Variants in ZNF398 observed in about 807,000 individuals in gnomAD.
The protein encoded by ZNF398 is zinc finger DNA binding protein ZER6.
ZNF398 carries 18 observed loss-of-function variants against 41.9 expected under a neutral mutation model. The ratio of observed to expected loss-of-function variants is 0.43; its 90% confidence interval spans 0.30 to 0.64. The LOEUF is 0.64. Ranked by LOEUF, ZNF398 falls within the 30% of genes least tolerant of loss-of-function variation. The pLI, the probability that ZNF398 is intolerant of heterozygous loss-of-function variation, is 0.14. For missense variants in ZNF398, 669 were observed against 822.8 expected (o/e 0.81, Z 2.29); for synonymous variants, 260 against 308.8 (o/e 0.84, Z 1.66).
Position 149,167,901 on chromosome 7 carries a change from G to A in ZNF398, c.661+971G>A, listed in dbSNP as rs903902435. On this transcript the variant is annotated intron_variant, in intron 4 of 5. Coordinates refer to ENST00000475153, the MANE Select transcript of ZNF398 (RefSeq NM_170686.3). Reference sequence around the variant, plus strand: ...GCTGGGATTACAGGCCTGAGCCACCGCCACATTTATTTTTTTCTAACATTT... The same window carrying A: ...GCTGGGATTACAGGCCTGAGCCACCACCACATTTATTTTTTTCTAACATTT... Among the ~76,000 whole-genome samples the A allele has an allele frequency of 1.3e-4, 20 of 151,890 alleles. No individual in the cohort carries two copies. The South Asian group carries it at 1.5e-3, about 11-fold the overall frequency.
At chr7:149,176,379 C>G in intron 4 of ZNF398, 89 bp from the exon 5 acceptor site, 1 of 903,236 alleles carries the variant, frequency 1.1e-6, no homozygotes, top group Admixed American at 2.0e-5. Context: ...ATATTTGGGG[C>G]AAAATATAGT....
intron 1 of ZNF398, among the ~76,000 whole-genome samples, chr7:149,127,015 A>G (rs1826495070): frequency 6.6e-6 from 1 of 152,144 alleles, no homozygotes; most frequent in Admixed American, 6.5e-5. Flanking sequence ...TCGCCCAGGG[A>G]TGCGGGCCGG....
intron 4 of ZNF398, among the ~76,000 whole-genome samples, chr7:149,170,674 G>T (rs1238869633): frequency 6.6e-6 from 1 of 151,848 alleles, no homozygotes; most frequent in African/African-American, 2.4e-5. Flanking sequence ...TGCGGAGGTT[G>T]CAGTGAGCCG....
At chr7:149,155,167 A>C (rs1794940927) in intron 2 of ZNF398, among the ~76,000 whole-genome samples, 1 of 151,988 alleles carries the variant, frequency 6.6e-6, no homozygotes, top group Non-Finnish European at 1.5e-5. Flanking sequence ...CACACCTGTA[A>C]ACCCAGCACT....
chr7:149,134,983 G>A (rs540425952), intron 2 of ZNF398, among the ~76,000 whole-genome samples: 3 of 152,154 alleles, frequency 2.0e-5, no homozygotes, highest in East Asian at 1.9e-4. Context: ...TGCCCAGCTC[G>A]GCCTCCCAAA....
At position 149,178,969 on chromosome 7, in the gene ZNF398, C is replaced by T. The variant is rs905376938; in HGVS notation, c.1097C>T (p.Thr366Ile). 3 of 1,614,066 alleles carry T rather than the reference C, an allele frequency of 1.9e-6. No individual in the cohort carries two copies. Among genetic ancestry groups the T allele is most frequent in the African/African-American group, 1.3e-5 (1 of 74,906 alleles). The change falls in exon 6 of 6, where the codon ACT (threonine) becomes ATT (isoleucine). Residue 366 changes from threonine (T) to isoleucine (I), a missense_variant. Thr to Ile is a moderately conservative substitution (Grantham distance 89). Around this residue, in one of 3 missense-constraint regions of ZNF398, gnomAD observed 290 missense variants for 292.9 expected, o/e 0.99. Coordinates refer to ENST00000475153, the MANE Select transcript of ZNF398 (RefSeq NM_170686.3). The stretch of plus-strand genomic sequence containing the variant: ...CTGACCCACCAATGTAGCCATGCTA[C>T]TGAGCACCCCTTACCCTGTGCCCAG... ...MLLTHQCSHATEHPLPCAQCP... is the reference protein window; with the variant it reads ...MLLTHQCSHAIEHPLPCAQCP...
intron 2 of ZNF398, among the ~76,000 whole-genome samples, chr7:149,154,988 TAAAA>T (rs35980793): frequency 2.3e-5 from 3 of 132,054 alleles, no homozygotes; most frequent in Admixed American, 7.6e-5. Context: ...AAACTCCTTC[TAAAA>T]AAAAAAAAAA....
In ZNF398 at chr7:149,130,634, G is replaced by GTATTTT. The variant is rs1338271382; in HGVS notation, c.-490+1693_-490+1698dup. Among the ~76,000 whole-genome samples the GTATTTT allele has an allele frequency of 4.6e-5, 7 of 152,168 alleles. No individual in the cohort carries two copies. In the South Asian group the frequency reaches 1.5e-3, roughly 32 times the overall value. ...TCAGTTGGCCCACGTTCTTTATTTG[G>GTATTTT]TATTTTTAGCATTTAAAAAAACCGT... On this transcript the variant is annotated intron_variant, in intron 2 of 6. Transcript: ENST00000426851.
At chr7:149,134,042 T>C (rs6464943) in intron 2 of ZNF398, among the ~76,000 whole-genome samples, 122,875 of 148,240 alleles carry the variant, frequency 0.83, 51,195 homozygotes, top group East Asian at 1. Context: ...TGAGCCACCG[T>C]GCTTGGCCAT....
At chr7:149,139,558 T>C (rs1585505818) in intron 2 of ZNF398, among the ~76,000 whole-genome samples, 1 of 151,092 alleles carries the variant, frequency 6.6e-6, no homozygotes, top group East Asian at 1.9e-4. Context: ...CCGTCTCCAC[T>C]AAAAATACAA....
chr7:149,149,146 A>G (rs1340619564), intron 1 of ZNF398, among the ~76,000 whole-genome samples: 1 of 151,928 alleles, frequency 6.6e-6, no homozygotes, highest in Non-Finnish European at 1.5e-5. Context: ...AATTTTTGAG[A>G]AGTTAAAAAA....
chr7:149,139,265 G>C (rs1333382790), intron 2 of ZNF398, among the ~76,000 whole-genome samples: 1 of 150,216 alleles, frequency 6.7e-6, no homozygotes, highest in Non-Finnish European at 1.5e-5. Context: ...TCACAATGTT[G>C]CTAAGCTGGT....
At chr7:149,167,645 T>C (rs1249998793) in intron 4 of ZNF398, among the ~76,000 whole-genome samples, 1 of 148,838 alleles carries the variant, frequency 6.7e-6, no homozygotes, top group Non-Finnish European at 1.5e-5. Context: ...TTTTTTTTTT[T>C]TTTTTTTGAG....
At position 149,127,697 on chromosome 7, in the gene ZNF398, A is replaced by G. The variant is rs139522101; in HGVS notation, c.-612+1042A>G. Among the ~76,000 whole-genome samples the G allele has an allele frequency of 2.6e-5, 4 of 152,162 alleles. No homozygotes were observed. The East Asian group carries it at 5.8e-4, about 22-fold the overall frequency. ...GCGCCACTGCACTCCAGCCTGGGCG[A>G]CAGAGGGAGACTCCATCTCAAAAAA... is the stretch of plus-strand genomic sequence containing the variant. On this transcript the variant is annotated intron_variant, in intron 1 of 6. Coordinates refer to the ZNF398 transcript ENST00000426851.
chr7:149,170,373 G>A (rs1385918982), intron 4 of ZNF398, among the ~76,000 whole-genome samples: 1 of 152,100 alleles, frequency 6.6e-6, no homozygotes, highest in Non-Finnish European at 1.5e-5. Flanking sequence ...GTAGGCCATT[G>A]TAACACAATG....
At chr7:149,166,069 A>G (rs1795219964) in intron 2 of ZNF398, 89 bp from the exon 3 acceptor site, 4 of 1,355,248 alleles carry the variant, frequency 3.0e-6, no homozygotes, top group Non-Finnish European at 3.0e-6. Flanking sequence ...TTGAAAATGT[A>G]AAAAAAATAA....
chr7:149,175,093 A>G (rs1795434399), intron 4 of ZNF398, among the ~76,000 whole-genome samples: 1 of 152,112 alleles, frequency 6.6e-6, no homozygotes, highest in Admixed American at 6.6e-5. Context: ...CGCTCCCCAT[A>G]ACCGATGGTC....
At chr7:149,143,541 C>T (rs1368648115), upstream of ZNF398, among the ~76,000 whole-genome samples, 4 of 152,134 alleles carry the variant, frequency 2.6e-5, no homozygotes, top group Non-Finnish European at 4.4e-5. Flanking sequence ...TGGCAGGGTG[C>T]GGTGGCTCAC....
At chr7:149,167,011 G>A (rs1795239109) in intron 4 of ZNF398, 81 bp downstream of exon 4, 4 of 917,770 alleles carry the variant, frequency 4.4e-6, no homozygotes, top group Admixed American at 2.7e-5. Context: ...AGGGCTTAGG[G>A]GCTTCTAGAG....
Sources: gnomAD v4.1 joint callset for allele counts (sites outside exome capture counted in the v4.1 genomes callset) on GRCh38, gnomAD v4.1.1 for gene constraint, gnomAD v4.1.1 regional missense constraint, MANE v1.5 for transcripts, NCBI Gene and HGNC (gene_info 2026-07-23, HGNC 2026-07-21) for gene names.